The following ANTXR2 variants were observed in gnomAD, a reference collection of about 807,000 sequenced individuals.
ANTXR2 encodes ANTXR cell adhesion molecule 2, also known as anthrax toxin receptor 2.
Under a neutral mutation model 73.7 loss-of-function variants are expected in ANTXR2, and 44 were observed. That is an observed-to-expected ratio of 0.60 (90% CI 0.47 to 0.77). The LOEUF is 0.77. Among genes scored for constraint, ANTXR2 ranks in the 30% least tolerant of loss-of-function variants. ANTXR2 has a pLI of 0.00. For missense variants in ANTXR2, 604 were observed against 592.5 expected (o/e 1.02, Z -0.20); for synonymous variants, 217 against 205.9 (o/e 1.05, Z -0.46).
Position 80,069,492 on chromosome 4 carries a change from TA to T in ANTXR2, c.239del (p.Leu80TyrfsTer16). The T allele has an allele frequency of 6.9e-6, 11 of 1,602,876 alleles. No individual in the cohort carries two copies. The highest frequency in any genetic ancestry group is 9.4e-6 in the Non-Finnish European group (11 of 1,173,302). On this transcript the variant is annotated frameshift_variant, in exon 3 of 17. Coordinates refer to ENST00000403729, the MANE Select transcript of ANTXR2 (RefSeq NM_058172.6). LOFTEE classifies it high-confidence loss of function. The stretch of plus-strand genomic sequence containing the variant: ...CTTGAGAAGAAAACACAATGAAAGA[TA>T]ATCTCATTTCAGGGCTGCAAAATAA... ...AERFVSPEMRLSFIVFSSQAT... is the reference protein window; with the variant it reads ...AERFVSPEMRXSFIVFSSQAT...
chr4:79,918,135 A>G (rs1451244558), intron 16 of ANTXR2, among the ~76,000 whole-genome samples: 1 of 152,116 alleles, frequency 6.6e-6, no homozygotes, highest in African/African-American at 2.4e-5. Flanking sequence ...CACTCACTGA[A>G]TTTGAAGGTA....
In ANTXR2 at chr4:79,907,220, T is replaced by C; in HGVS notation, c.*209A>G. ...ATAAATCATGAGTTACCACTGAGTT[T>C]CATCACCTCCCATGTAGATGGCAGA... On this transcript the variant is annotated 3_prime_UTR_variant, in exon 17 of 17. Coordinates refer to ENST00000403729, the MANE Select transcript of ANTXR2 (RefSeq NM_058172.6). 1.7e-6 allele frequency: 1 copy of C among 602,350 alleles called. No individual in the cohort carries two copies. The allele number at this position is 602,350 out of a possible 1,614,324, so 37.3% of individuals were successfully genotyped here. A position where few individuals can be genotyped will look rare whatever the true frequency, so the allele number is the denominator to read the frequency against.
intron 8 of ANTXR2, 25 bp downstream of exon 8, chr4:80,035,944 ATGG>A: frequency 6.7e-7 from 1 of 1,501,380 alleles, no homozygotes; most frequent in Non-Finnish European, 9.0e-7. Flanking sequence ...AATTTCTTAC[ATGG>A]TATTTTTAAA....
intron 16 of ANTXR2, among the ~76,000 whole-genome samples, chr4:79,946,353 A>G (rs1468655279): frequency 3.3e-5 from 5 of 152,186 alleles, no homozygotes; most frequent in Non-Finnish European, 7.3e-5. Context: ...GAAACAACCC[A>G]TTTCTGTGAA....
At chr4:80,027,263 A>T (rs892261275) in intron 10 of ANTXR2, among the ~76,000 whole-genome samples, 18 of 152,190 alleles carry the variant, frequency 1.2e-4, no homozygotes, top group Non-Finnish European at 2.5e-4. Context: ...TTTGGAAAGA[A>T]CAGAAACTGT....
chr4:80,049,939 G>A (rs1733698953), intron 7 of ANTXR2, among the ~76,000 whole-genome samples: 2 of 151,766 alleles, frequency 1.3e-5, no homozygotes, highest in South Asian at 2.1e-4. Flanking sequence ...TATACCTGGA[G>A]GTTTAGCCCC....
At chr4:79,955,157 G>T (rs1728842584) in intron 16 of ANTXR2, among the ~76,000 whole-genome samples, 3 of 152,048 alleles carry the variant, frequency 2.0e-5, no homozygotes, top group Non-Finnish European at 4.4e-5. Flanking sequence ...TATTTTGAAA[G>T]AAGAAAATCA....
chr4:80,037,979 C>A (rs902674283), intron 7 of ANTXR2, among the ~76,000 whole-genome samples: 4 of 152,072 alleles, frequency 2.6e-5, no homozygotes, highest in African/African-American at 9.7e-5. Context: ...ATTAAGGAGA[C>A]TAATTGCATC....
intron 12 of ANTXR2, among the ~76,000 whole-genome samples, chr4:79,992,525 G>C (rs1208934467): frequency 1.3e-5 from 2 of 151,448 alleles, no homozygotes; most frequent in African/African-American, 4.8e-5. Context: ...TAAAATTCCA[G>C]TAGATTTTGG....
chr4:79,911,083 A>G (rs1727113729), intron 16 of ANTXR2, among the ~76,000 whole-genome samples: 1 of 152,198 alleles, frequency 6.6e-6, no homozygotes, highest in Non-Finnish European at 1.5e-5. Flanking sequence ...ATTAGTGATA[A>G]CGCTAATTAT....
chr4:79,953,494 T>A (rs1179175702), intron 16 of ANTXR2, among the ~76,000 whole-genome samples: 1 of 152,174 alleles, frequency 6.6e-6, no homozygotes, highest in African/African-American at 2.4e-5. Context: ...GCCAACAGTA[T>A]CCTAAACTAA....
At chr4:80,011,303 CTATCTATCT>C (rs1731569490) in intron 11 of ANTXR2, among the ~76,000 whole-genome samples, 1 of 151,616 alleles carries the variant, frequency 6.6e-6, no homozygotes, top group Non-Finnish European at 1.5e-5. Flanking sequence ...ATCTATCTAT[CTATCTATCT>C]ATCTGTCTAT....
At chr4:79,977,375 T>C (rs1438868221) in intron 16 of ANTXR2, 1 of 333,546 alleles carries the variant, frequency 3.0e-6, no homozygotes, top group Non-Finnish European at 4.3e-6. Context: ...TATTAAAGTA[T>C]GTGTACAAAT....
At chr4:79,949,222 G>A (rs1373436836) in intron 16 of ANTXR2, among the ~76,000 whole-genome samples, 1 of 152,146 alleles carries the variant, frequency 6.6e-6, no homozygotes, top group Non-Finnish European at 1.5e-5. Flanking sequence ...GAAATAACAT[G>A]GGTTTGGCAC....
chr4:80,015,356 G>A (rs1348547933), intron 11 of ANTXR2, among the ~76,000 whole-genome samples: 2 of 152,056 alleles, frequency 1.3e-5, no homozygotes, highest in African/African-American at 2.4e-5. Flanking sequence ...TTATAATATG[G>A]ATTTCTTCAT....
At chr4:79,995,243 A>G (rs1163316525) in intron 12 of ANTXR2, among the ~76,000 whole-genome samples, 1 of 152,068 alleles carries the variant, frequency 6.6e-6, no homozygotes, top group African/African-American at 2.4e-5. Context: ...ACATGTCATC[A>G]TGCCTAATAA....
chr4:79,922,558 A>C (rs1727631055), intron 16 of ANTXR2, among the ~76,000 whole-genome samples: 1 of 152,168 alleles, frequency 6.6e-6, no homozygotes. Flanking sequence ...CATTCAAATA[A>C]GTAGAGACAT....
chr4:79,911,250 T>C (rs1485831481), intron 16 of ANTXR2, among the ~76,000 whole-genome samples: 4 of 152,208 alleles, frequency 2.6e-5, no homozygotes, highest in Admixed American at 6.6e-5. Flanking sequence ...AATAAAGGTA[T>C]GTTATCAAGG....
chr4:80,018,773 TA>T (rs1332053092), intron 11 of ANTXR2, 124 bp downstream of exon 11: 5 of 801,208 alleles, frequency 6.2e-6, no homozygotes, highest in Non-Finnish European at 9.4e-6. Context: ...TTTTTCCTTG[TA>T]ATGGTCTCCA....
Sources: allele counts gnomAD v4.1 joint callset (sites outside exome capture counted in the v4.1 genomes callset), GRCh38; gene constraint gnomAD v4.1.1; transcripts MANE v1.5; gene names NCBI Gene and HGNC (gene_info 2026-07-23, HGNC 2026-07-21).